The following TRPM4 variants were observed in gnomAD, a reference collection of about 807,000 sequenced individuals.
The protein encoded by TRPM4 is calcium-activated non-selective cation channel 1.
Under a neutral mutation model 135.6 loss-of-function variants are expected in TRPM4, and 124 were observed. That is an observed-to-expected ratio of 0.91 (90% CI 0.79 to 1.06). The LOEUF (loss-of-function observed/expected upper bound fraction) is 1.06, where lower values mean the gene tolerates loss of function less well. TRPM4 is among the 50% of genes least tolerant of loss of function. TRPM4 has a pLI of 0.00. For synonymous variants in TRPM4, 745 were observed against 705.6 expected, an observed-to-expected ratio of 1.06 and a Z score of -0.88; for missense variants, 1,658 against 1,671.4, an observed-to-expected ratio of 0.99 and a Z score of 0.14.
At chr19:49,178,367 T>TGGAGA (rs1967781761) in intron 9 of TRPM4, among the ~76,000 whole-genome samples, 1 of 150,236 alleles carries the variant, frequency 6.7e-6, no homozygotes, top group Non-Finnish European at 1.5e-5. Context: ...GGGGGCAGAG[T>TGGAGA]GGAGAGGAGA....
intron 14 of TRPM4, among the ~76,000 whole-genome samples, chr19:49,189,761 C>T (rs1968342434): frequency 6.6e-6 from 1 of 152,152 alleles, no homozygotes; most frequent in Admixed American, 6.5e-5. Flanking sequence ...GTCCCATCCT[C>T]ATCTGTTGGA....
Position 49,211,132 on chromosome 19 carries a change from T to A in TRPM4, c.3535-32T>A. 2 of 1,610,074 alleles carry A rather than the reference T, an allele frequency of 1.2e-6. No homozygotes were observed. Among genetic ancestry groups the A allele is most frequent in the Non-Finnish European group, 1.7e-6 (2 of 1,178,400 alleles). On this transcript the variant is annotated intron_variant, in intron 23 of 24. Coordinates refer to ENST00000252826, the MANE Select transcript of TRPM4 (RefSeq NM_017636.4). This position sits in a 1 kb window ranked among gnomAD's most constrained non-coding sequence, Gnocchi z 4.8. ...CTGGGGGACTGTGGCAGGGGTCCCA[T>A]CTCCCGCTCTGACATTCCTCCCATT...
At chr19:49,163,436 C>A (rs530558240) in intron 2 of TRPM4, among the ~76,000 whole-genome samples, 1 of 151,942 alleles carries the variant, frequency 6.6e-6, no homozygotes, top group African/African-American at 2.4e-5. Context: ...CCTCATGATC[C>A]GCCCGCCTTG....
At chr19:49,196,933 A>G in intron 17 of TRPM4, 59 bp downstream of exon 17, 3 of 1,485,514 alleles carry the variant, frequency 2.0e-6, no homozygotes, top group South Asian at 1.2e-5. Flanking sequence ...CTTCCTGCCC[A>G]CTCCCGGGGT....
rs56166107 is a variant in TRPM4 at position 49,202,383 on chromosome 19, G to A, written c.3131+242G>A. On this transcript the variant is annotated intron_variant, in intron 20 of 24. Coordinates refer to ENST00000252826, the MANE Select transcript of TRPM4 (RefSeq NM_017636.4). ...TTTTGAGACAGGGTCTCACTCTGTCGCCAAGGCTAGAGTGTGGTGATGTGA... is the reference window on the plus strand; with the variant it reads ...TTTTGAGACAGGGTCTCACTCTGTCACCAAGGCTAGAGTGTGGTGATGTGA... Among the ~76,000 whole-genome samples the A allele has an allele frequency of 0.26, 40,117 of 151,828 alleles. 5,580 individuals are homozygous for A. Among genetic ancestry groups the A allele is most frequent in the South Asian group, 0.41 (1,984 of 4,802 alleles).
intron 20 of TRPM4, 104 bp downstream of exon 20, chr19:49,202,245 T>G (rs1310193949): frequency 7.5e-7 from 1 of 1,339,730 alleles, no homozygotes; most frequent in Non-Finnish European, 1.1e-6. Context: ...GTCCCTGAAC[T>G]CTGATCCAAT....
At position 49,196,668 on chromosome 19, in the gene TRPM4, G is replaced by A; in HGVS notation, c.2439G>A (p.Leu813=). 1 of 1,547,640 alleles carries A rather than the reference G, an allele frequency of 6.5e-7. No homozygotes were observed. Among genetic ancestry groups the A allele is most frequent in the South Asian group, 1.2e-5 (1 of 84,582 alleles). The change falls in exon 17 of 25, where the codon CTG becomes CTA. Residue 813 remains leucine, a synonymous_variant. Transcript: ENST00000252826. ...TCCAGCCGGCGCCGCCCGGCTCCCT[G>A]GAGCTGCTGCTCTATTTCTGGGCTT... ...VDFQPAPPGS[L]ELLLYFWAFT...
At position 49,190,651 on chromosome 19, in the gene TRPM4, C is replaced by T. The variant is rs757932798; in HGVS notation, c.2133-45C>T. 2.5e-6 allele frequency: 4 copies of T among 1,593,822 alleles called. No homozygotes were observed. In the South Asian group the frequency reaches 4.4e-5, roughly 18 times the overall value. The stretch of plus-strand genomic sequence containing the variant: ...GTTTTGCTGGAGAATGCCTCTCCAC[C>T]TTCTCTTCCCCTCATTTCTTGCTCT... On this transcript the variant is annotated intron_variant, in intron 15 of 24. Coordinates refer to ENST00000252826, the MANE Select transcript of TRPM4 (RefSeq NM_017636.4).
chr19:49,190,488 G>T (rs1968370314), intron 15 of TRPM4, among the ~76,000 whole-genome samples, 168 bp downstream of exon 15: 1 of 152,176 alleles, frequency 6.6e-6, no homozygotes, highest in African/African-American at 2.4e-5. Flanking sequence ...TGAGTTTTGG[G>T]GGGGATCCTC....
In TRPM4 at chr19:49,200,413, T is replaced by A. The variant is rs768723241; in HGVS notation, c.2759T>A (p.Ile920Asn). 1 of 1,608,046 alleles carries A rather than the reference T, an allele frequency of 6.2e-7. No individual in the cohort carries two copies. The highest frequency in any genetic ancestry group is 8.5e-7 in the Non-Finnish European group (1 of 1,177,286). Residue 920 changes from isoleucine (I) to asparagine (N), a missense_variant, in exon 18 of 25, where the codon ATC becomes AAC. Transcript: ENST00000252826. ...FTVNKQLGPKIVIVSKMMKDV... is the reference protein window; with the variant it reads ...FTVNKQLGPKNVIVSKMMKDV... ...GTCAACAAACAGCTGGGGCCCAAGA[T>A]CGTCATCGTGAGCAAGATGGTGAGG... is the stretch of plus-strand genomic sequence containing the variant.
Position 49,157,857 on chromosome 19 carries a change from C to T in TRPM4, c.-10C>T, listed in dbSNP as rs752071857. Reference sequence around the variant, plus strand: ...CCTGGGCTGCAGGAGGTTGCGGCGGCCGCGGCAGCATGGTGGTGCCGGAGA... The same window carrying T: ...CCTGGGCTGCAGGAGGTTGCGGCGGTCGCGGCAGCATGGTGGTGCCGGAGA... On this transcript the variant is annotated 5_prime_UTR_variant, in exon 1 of 25. Transcript: ENST00000252826. 3 of 1,534,384 alleles carry T rather than the reference C, an allele frequency of 2.0e-6. No homozygotes were observed. The highest frequency in any genetic ancestry group is 2.6e-6 in the Non-Finnish European group (3 of 1,146,224).
Position 49,171,875 on chromosome 19 carries a change from C to A in TRPM4, c.1050+106C>A. The A allele has an allele frequency of 1.4e-6, 2 of 1,421,558 alleles. No homozygotes were observed. The highest frequency in any genetic ancestry group is 1.2e-5 in the South Asian group (1 of 84,514). 88.1% of individuals were successfully genotyped at this position (1,421,558 alleles called of 1,614,324 possible). ...GGCTGGGGGCCTGGACTTCCAGGTT[C>A]CGGGAGAAGAGGGTGCTGGGCATAT... On this transcript the variant is annotated intron_variant, in intron 8 of 24. Transcript: ENST00000252826. This position sits in a 1 kb window ranked among gnomAD's most constrained non-coding sequence, Gnocchi z 4.7.
Position 49,190,202 on chromosome 19 carries a change from C to T in TRPM4, c.2020-6C>T. 6.2e-7 allele frequency: 1 copy of T among 1,613,258 alleles called. No homozygotes were observed. Among genetic ancestry groups the T allele is most frequent in the East Asian group, 2.2e-5 (1 of 44,876 alleles). On this transcript the variant is annotated splice_region_variant and splice_polypyrimidine_tract_variant and intron_variant, in intron 14 of 24. Transcript: ENST00000252826. ...TTTGGATCCTAATCCTTCCCACCCC[C>T]CACAGTCTCTGCTGACACAGAAGTG...
At chr19:49,197,512 CTTCT>C (rs1968741472) in intron 17 of TRPM4, among the ~76,000 whole-genome samples, 1 of 144,442 alleles carries the variant, frequency 6.9e-6, no homozygotes, top group African/African-American at 2.6e-5. Context: ...TCCTTCCTTC[CTTCT>C]ATGCTTCCTT....
intron 16 of TRPM4, among the ~76,000 whole-genome samples, chr19:49,195,719 T>A (rs1315803283): frequency 3.3e-5 from 5 of 149,278 alleles, no homozygotes; most frequent in Admixed American, 6.7e-5. Flanking sequence ...GGTCTCGCTC[T>A]ATTGCCCAAG....
chr19:49,181,552 G>A, intron 10 of TRPM4, 91 bp downstream of exon 10: 1 of 531,048 alleles, frequency 1.9e-6, no homozygotes, highest in Non-Finnish European at 2.9e-6. Context: ...TTTTTTTTTT[G>A]ACGGAGTCTC....
At position 49,196,758 on chromosome 19, in the gene TRPM4, G is replaced by A. The variant is rs754769591; in HGVS notation, c.2529G>A (p.Gly843=). The A allele has an allele frequency of 3.9e-6, 6 of 1,550,212 alleles. No homozygotes were observed. The highest frequency in any genetic ancestry group is 5.2e-6 in the Non-Finnish European group (6 of 1,154,688). ...GAGGCGGGGGCAGCCTCGCCAGCGG[G>A]GGCCCCGGGCCTGGCCATGCCTCAC... ...LSGGGGSLAS[G]GPGPGHASLS... The change falls in exon 17 of 25, where the codon GGG becomes GGA. Residue 843 remains glycine, a synonymous_variant. Transcript: ENST00000252826.
Position 49,181,432 on chromosome 19 carries a change from G to C in TRPM4, c.1234G>C (p.Glu412Gln). The change falls in exon 10 of 25, where the codon GAA becomes CAA. Residue 412 changes from glutamate (E) to glutamine (Q), a missense_variant. Physicochemically the swap from Glu to Gln is conservative, Grantham distance 29. Around this residue, in one of 3 missense-constraint regions of TRPM4, gnomAD observed 1,412 missense variants for 1,408.7 expected, o/e 1.00. Coordinates refer to ENST00000252826, the MANE Select transcript of TRPM4 (RefSeq NM_017636.4). ...GAACCGCGTGGACATTGCCCAGAGT[G>C]AACTCTTTCGGGGGGACATCCAATG... ...AWNRVDIAQS[E>Q]LFRGDIQWRS... 6.2e-7 allele frequency: 1 copy of C among 1,613,160 alleles called. No individual in the cohort carries two copies. Among genetic ancestry groups the C allele is most frequent in the South Asian group, 1.1e-5 (1 of 91,048 alleles).
intron 9 of TRPM4, among the ~76,000 whole-genome samples, chr19:49,178,701 C>A (rs538418927): frequency 1.3e-5 from 2 of 151,992 alleles, no homozygotes; most frequent in East Asian, 3.9e-4. Flanking sequence ...GCCCAGGTGA[C>A]AAATGGTGCC....
Sources: gnomAD v4.1 joint callset for allele counts (sites outside exome capture counted in the v4.1 genomes callset) on GRCh38, gnomAD v4.1.1 for gene constraint, gnomAD v4.1.1 regional missense constraint, Gnocchi (gnomAD v3.1) non-coding constraint, MANE v1.5 for transcripts, NCBI Gene and HGNC (gene_info 2026-07-23, HGNC 2026-07-21) for gene names.